Variants in FBXL17 observed in about 807,000 individuals in gnomAD.
FBXL17 encodes F-box and leucine rich repeat protein 17, also known as F-box/LRR-repeat protein 17.
In FBXL17, 22 loss-of-function variants were observed where a neutral mutation model predicts 66.2. That is an observed-to-expected ratio of 0.33 (90% CI 0.24 to 0.47). The LOEUF is 0.47. Among genes scored for constraint, FBXL17 ranks in the 20% least tolerant of loss-of-function variants. The pLI is 1.00. For synonymous variants in FBXL17, 474 were observed against 400.5 expected (o/e 1.18, Z -2.19); for missense variants, 878 against 948.2 (o/e 0.93, Z 0.97).
Position 108,088,572 on chromosome 5 carries a change from G to A in FBXL17, c.1746-67571C>T, listed in dbSNP as rs560418313. 1.1e-4 allele frequency among the ~76,000 whole-genome samples: 16 copies of A among 151,894 alleles called. No homozygotes were observed. The South Asian group carries it at 3.1e-3, about 30-fold the overall frequency. ...AAAAATTATCTGGGCATGGTGGCAC[G>A]CACCTGTAGTCTCAGCTACTCAGGA... On this transcript the variant is annotated intron_variant, in intron 6 of 8. Coordinates refer to ENST00000542267, the MANE Select transcript of FBXL17 (RefSeq NM_001163315.3).
intron 7 of FBXL17, among the ~76,000 whole-genome samples, chr5:108,012,886 A>G (rs945732059): frequency 1.3e-5 from 2 of 152,006 alleles, no homozygotes; most frequent in African/African-American, 2.4e-5. Context: ...GTGGTGGCAC[A>G]TGCCTGTAAT....
chr5:108,124,966 T>C (rs1750639945), intron 6 of FBXL17, among the ~76,000 whole-genome samples: 1 of 152,000 alleles, frequency 6.6e-6, no homozygotes. Context: ...ACTAGGGCAA[T>C]ATCCTAAATA....
At chr5:108,182,005 G>A (rs1229082044) in intron 6 of FBXL17, among the ~76,000 whole-genome samples, 1 of 152,068 alleles carries the variant, frequency 6.6e-6, no homozygotes, top group Non-Finnish European at 1.5e-5. Flanking sequence ...ACGTTGAAGA[G>A]ATTAAATGAG....
chr5:108,055,309 AAAAAG>A (rs1561388300), intron 6 of FBXL17, among the ~76,000 whole-genome samples: 11 of 22,518 alleles, frequency 4.9e-4, no homozygotes, highest in East Asian at 1.7e-3. Context: ...AAAAAAAAAA[AAAAAG>A]AAAAACGCTT....
chr5:108,173,305 G>C (rs116003400), intron 6 of FBXL17, among the ~76,000 whole-genome samples: 1 of 152,000 alleles, frequency 6.6e-6, no homozygotes, highest in African/African-American at 2.4e-5. Context: ...GCTAAATGAC[G>C]AGTTAATGGG....
At chr5:107,995,040 C>G (rs1434838860) in intron 7 of FBXL17, among the ~76,000 whole-genome samples, 1 of 152,130 alleles carries the variant, frequency 6.6e-6, no homozygotes. Context: ...GTTTCTTGAT[C>G]TGAATTCTGG....
intron 6 of FBXL17, among the ~76,000 whole-genome samples, chr5:108,126,641 C>T: frequency 1.3e-5 from 1 of 74,114 alleles, no homozygotes; most frequent in African/African-American, 4.9e-5. Context: ...GTCTCTCTCT[C>T]TCTCTCTCTC....
At chr5:108,081,917 C>T (rs1366378600) in intron 6 of FBXL17, among the ~76,000 whole-genome samples, 1 of 152,152 alleles carries the variant, frequency 6.6e-6, no homozygotes, top group Non-Finnish European at 1.5e-5. Flanking sequence ...CTCAGCTGAA[C>T]ATCACCTAAG....
intron 7 of FBXL17, 72 bp from the exon 8 acceptor site, chr5:107,881,251 A>G (rs1748781949): frequency 1.2e-6 from 1 of 845,730 alleles, no homozygotes; most frequent in Non-Finnish European, 1.8e-6. Context: ...ATGACTATTC[A>G]TCTCATTTCC....
chr5:108,381,451 G>A lies in FBXL17; in HGVS notation c.241C>T (p.Pro81Ser). The A allele has an allele frequency of 7.6e-7, 1 of 1,316,840 alleles. No individual in the cohort carries two copies. The highest frequency in any genetic ancestry group is 9.6e-7 in the Non-Finnish European group (1 of 1,040,672). 81.6% of individuals were successfully genotyped at this position (1,316,840 alleles called of 1,614,324 possible). Reference sequence around the variant, plus strand: ...CCGTCCCGCGGCGGCGGCGAGAGCGGCGGCTCCTCCTCTGGGCCGGCGGGG... The same window carrying A: ...CCGTCCCGCGGCGGCGGCGAGAGCGACGGCTCCTCCTCTGGGCCGGCGGGG... Reference protein sequence around the residue: ...PAPAGPEEEPPLSPPPRDGAY... With the variant: ...PAPAGPEEEPSLSPPPRDGAY... The change falls in exon 1 of 9, where the codon CCG becomes TCG. Residue 81 changes from proline (P) to serine (S), a missense_variant. Pro to Ser is a moderately conservative substitution (Grantham distance 74). Coordinates refer to ENST00000542267, the MANE Select transcript of FBXL17 (RefSeq NM_001163315.3).
intron 7 of FBXL17, among the ~76,000 whole-genome samples, chr5:107,928,126 A>G (rs567935884): frequency 1.3e-5 from 2 of 152,198 alleles, no homozygotes; most frequent in East Asian, 1.9e-4. Flanking sequence ...CTCTTTGAAC[A>G]TGGGTGCAGG....
intron 6 of FBXL17, among the ~76,000 whole-genome samples, chr5:108,093,227 T>C (rs1356423709): frequency 1.3e-5 from 2 of 152,010 alleles, no homozygotes. Flanking sequence ...CTGTATTTTA[T>C]GTGCCATAAC....
chr5:107,895,143 T>C (rs1453945194), intron 7 of FBXL17, among the ~76,000 whole-genome samples: 10 of 152,116 alleles, frequency 6.6e-5, no homozygotes, highest in Admixed American at 2.0e-4. Flanking sequence ...TTATCCACAA[T>C]TTTTTTAAGT....
intron 6 of FBXL17, among the ~76,000 whole-genome samples, chr5:108,157,234 G>GA (rs992172850): frequency 5.0e-4 from 74 of 148,134 alleles, no homozygotes; most frequent in Middle Eastern, 3.5e-3. Flanking sequence ...TATAATTAGA[G>GA]AAAAAAATTA....
chr5:108,155,496 C>A (rs1751960252), intron 6 of FBXL17, among the ~76,000 whole-genome samples: 1 of 152,000 alleles, frequency 6.6e-6, no homozygotes, highest in African/African-American at 2.4e-5. Flanking sequence ...GCCTGGGTGA[C>A]AGAGCAAGAC....
intron 6 of FBXL17, among the ~76,000 whole-genome samples, chr5:108,023,904 A>T (rs1203998236): frequency 1.3e-5 from 2 of 152,200 alleles, no homozygotes; most frequent in Non-Finnish European, 2.9e-5. Flanking sequence ...ACAGAACCAA[A>T]GACCACATTT....
rs888324141 is a variant in FBXL17 at position 108,367,817 on chromosome 5, A to T, written c.1116+14T>A. 40 of 1,546,826 alleles carry T rather than the reference A, an allele frequency of 2.6e-5. No homozygotes were observed. Among genetic ancestry groups the T allele is most frequent in the Admixed American group, 2.4e-4 (12 of 49,912 alleles). ...GTAGGTCATATGAGTGTTACTTAGA[A>T]TTGGATTCCATACCTGCTGACGACT... On this transcript the variant is annotated intron_variant, in intron 2 of 8. Coordinates refer to ENST00000542267, the MANE Select transcript of FBXL17 (RefSeq NM_001163315.3).
At chr5:108,012,460 C>T (rs1007939251) in intron 7 of FBXL17, among the ~76,000 whole-genome samples, 7 of 152,044 alleles carry the variant, frequency 4.6e-5, no homozygotes, top group Non-Finnish European at 7.4e-5. Context: ...CATGGGGTAG[C>T]GCTTTATGAC....
At chr5:107,937,206 C>T (rs547915303) in intron 7 of FBXL17, among the ~76,000 whole-genome samples, 6 of 152,182 alleles carry the variant, frequency 3.9e-5, no homozygotes, top group East Asian at 1.9e-4. Context: ...TATTATACAA[C>T]GTATGTGAAA....
Sources: gnomAD v4.1 joint callset for allele counts (sites outside exome capture counted in the v4.1 genomes callset) on GRCh38, gnomAD v4.1.1 for gene constraint, MANE v1.5 for transcripts, NCBI Gene and HGNC (gene_info 2026-07-23, HGNC 2026-07-21) for gene names.